Variants in IGF1R observed in about 807,000 individuals in gnomAD.
The protein encoded by IGF1R is insulin-like growth factor 1 receptor.
Under a neutral mutation model 144.6 loss-of-function variants are expected in IGF1R, and 44 were observed. The ratio of observed to expected loss-of-function variants is 0.30; its 90% CI spans 0.24 to 0.39. The LOEUF is 0.39. Ranked by LOEUF, IGF1R falls within the 10% of genes least tolerant of loss-of-function variation. The probability of loss-of-function intolerance (pLI) is 1.00; values close to 1 mark genes in which losing one functional copy is unlikely to be tolerated. For missense variants in IGF1R, 1,355 were observed against 1,833.7 expected (o/e 0.74, Z 4.77); for synonymous variants, 795 against 722.8 (o/e 1.10, Z -1.60).
rs148859829 is a variant in IGF1R at position 98,960,185 on chromosome 15, G to T, written c.*2743G>T. 1 of 233,654 alleles carries T rather than the reference G, an allele frequency of 4.3e-6. No homozygotes were observed. Among genetic ancestry groups the T allele is most frequent in the Admixed American group, 5.6e-5 (1 of 17,790 alleles). The allele number at this position is 233,654 out of a possible 1,614,324, so 14.5% of individuals were successfully genotyped here. On this transcript the variant is annotated 3_prime_UTR_variant, in exon 21 of 21. Coordinates refer to ENST00000650285, the MANE Select transcript of IGF1R (RefSeq NM_000875.5). ...CACGCCACAGGCGCCACACCCAGGT[G>T]ATGCAGGGGGAAGCCAGGCTGTATT...
intron 1 of IGF1R, among the ~76,000 whole-genome samples, chr15:98,668,088 G>A (rs2052790489): frequency 6.6e-6 from 1 of 152,124 alleles, no homozygotes; most frequent in South Asian, 2.1e-4. Flanking sequence ...TTTCTGTTAA[G>A]GGTCCATTTC....
At chr15:98,733,080 G>A (rs1476625950) in intron 2 of IGF1R, among the ~76,000 whole-genome samples, 1 of 152,222 alleles carries the variant, frequency 6.6e-6, no homozygotes, top group East Asian at 1.9e-4. Flanking sequence ...CTACGTGTGG[G>A]TGAACACCTG....
At chr15:98,780,568 AAAAAAAAGAGAG>A (rs1251344814) in intron 2 of IGF1R, among the ~76,000 whole-genome samples, 5 of 30,820 alleles carry the variant, frequency 1.6e-4, no homozygotes, top group Non-Finnish European at 1.5e-3. Flanking sequence ...AAAAAAAAAA[AAAAAAAAGAGAG>A]AGAGAGTAAA....
chr15:98,956,965 G>A (rs1403127529), intron 20 of IGF1R, 96 bp from the exon 21 acceptor site: 24 of 1,362,346 alleles, frequency 1.8e-5, no homozygotes, highest in Non-Finnish European at 2.2e-5. Context: ...CCCGCCGTAC[G>A]CTTGTATGCG....
intron 2 of IGF1R, among the ~76,000 whole-genome samples, chr15:98,768,919 T>C (rs577478721): frequency 0.011 from 1,009 of 94,168 alleles, 13 homozygotes; most frequent in African/African-American, 0.031. Context: ...CAGAGTGAGA[T>C]TCCGTCTCAA....
At chr15:98,718,018 C>G (rs1389409839) in intron 2 of IGF1R, among the ~76,000 whole-genome samples, 2 of 152,184 alleles carry the variant, frequency 1.3e-5, no homozygotes. Flanking sequence ...CACCCAGCCT[C>G]TTCTCCTGTT....
At chr15:98,923,434 C>T (rs967090389) in intron 11 of IGF1R, among the ~76,000 whole-genome samples, 2 of 152,248 alleles carry the variant, frequency 1.3e-5, no homozygotes, top group Admixed American at 1.3e-4. Context: ...CGGCAGGCCC[C>T]GTGTCCTGCT....
chr15:98,695,559 C>T (rs535049237), intron 1 of IGF1R, among the ~76,000 whole-genome samples: 6 of 152,314 alleles, frequency 3.9e-5, no homozygotes, highest in African/African-American at 1.4e-4. Flanking sequence ...GTCATTTGCT[C>T]ATTGTTAACC....
chr15:98,707,676 A>T lies in IGF1R; in HGVS notation c.209A>T (p.Tyr70Phe), dbSNP rs1567086831. 6.2e-7 allele frequency: 1 copy of T among 1,614,128 alleles called. No individual in the cohort carries two copies. Residue 70 changes from tyrosine to phenylalanine, a missense_variant, in exon 2 of 21, where the codon TAC becomes TTC. By Grantham distance (22) the Tyr-to-Phe change is conservative. Transcript: ENST00000650285. This position sits in a 1 kb window ranked among gnomAD's most constrained non-coding sequence, Gnocchi z 6.7. ...CTGCTCATCTCCAAGGCCGAGGACT[A>T]CCGCAGCTACCGCTTCCCCAAGCTC... Reference protein sequence around the residue: ...HILLISKAEDYRSYRFPKLTV... With the variant: ...HILLISKAEDFRSYRFPKLTV...
At chr15:98,697,647 C>CA in intron 1 of IGF1R, among the ~76,000 whole-genome samples, 1 of 152,100 alleles carries the variant, frequency 6.6e-6, no homozygotes, top group East Asian at 1.9e-4. Flanking sequence ...GGTCTCCCCT[C>CA]AGCTGTCCAC....
chr15:98,892,802 G>A (rs2013994520), intron 3 of IGF1R, among the ~76,000 whole-genome samples: 2 of 152,030 alleles, frequency 1.3e-5, no homozygotes, highest in Non-Finnish European at 2.9e-5. Flanking sequence ...GATCCCTTGA[G>A]GCCATGGGTT....
chr15:98,881,442 T>C (rs2141630436), intron 2 of IGF1R, among the ~76,000 whole-genome samples: 1 of 152,352 alleles, frequency 6.6e-6, no homozygotes, highest in African/African-American at 2.4e-5. Context: ...TGCCTCGGCC[T>C]CCCGAGTAGC....
chr15:98,661,669 C>CT (rs2052601515), intron 1 of IGF1R, among the ~76,000 whole-genome samples: 2 of 152,196 alleles, frequency 1.3e-5, no homozygotes, highest in Non-Finnish European at 2.9e-5. Context: ...AATTCACTGT[C>CT]TCCCTCTCTC....
At chr15:98,825,213 A>G (rs2056870901) in intron 2 of IGF1R, among the ~76,000 whole-genome samples, 1 of 151,984 alleles carries the variant, frequency 6.6e-6, no homozygotes, top group African/African-American at 2.4e-5. Context: ...CAGTGGCACC[A>G]TATTAGTGGC....
chr15:98,958,368 G>A lies in IGF1R; in HGVS notation c.*926G>A, dbSNP rs2017095999. ...CCGAAGCAGCCTGGCGGACAGGCTTGGAGTCAAGGGGCCCCATGCCTGCTT... is the reference window on the plus strand; with the variant it reads ...CCGAAGCAGCCTGGCGGACAGGCTTAGAGTCAAGGGGCCCCATGCCTGCTT... On this transcript the variant is annotated 3_prime_UTR_variant, in exon 21 of 21. Coordinates refer to ENST00000650285, the MANE Select transcript of IGF1R (RefSeq NM_000875.5). 5 of 215,946 alleles carry A rather than the reference G, an allele frequency of 2.3e-5. No homozygotes were observed. The East Asian group carries it at 3.4e-4, about 14-fold the overall frequency. The allele number at this position is 215,946 out of a possible 1,614,324, so 13.4% of individuals were successfully genotyped here.
At chr15:98,878,333 A>G (rs915429127) in intron 2 of IGF1R, among the ~76,000 whole-genome samples, 13 of 152,228 alleles carry the variant, frequency 8.5e-5, no homozygotes, top group African/African-American at 2.9e-4. Context: ...CAGAGAATGG[A>G]AATAGGGCTG....
intron 2 of IGF1R, among the ~76,000 whole-genome samples, chr15:98,755,924 A>G (rs2141343605): frequency 6.6e-6 from 1 of 152,230 alleles, no homozygotes; most frequent in East Asian, 1.9e-4. Flanking sequence ...GGCATGATAT[A>G]ATTGTGAGCT....
intron 18 of IGF1R, 81 bp from the exon 19 acceptor site, chr15:98,942,842 A>G (rs2016415249): frequency 2.5e-6 from 4 of 1,578,846 alleles, no homozygotes; most frequent in South Asian, 1.1e-5. Context: ...CTCTCCACAC[A>G]TAATGAGTGT....
At chr15:98,762,503 A>G (rs1044259068) in intron 2 of IGF1R, among the ~76,000 whole-genome samples, 1 of 152,242 alleles carries the variant, frequency 6.6e-6, no homozygotes, top group African/African-American at 2.4e-5. Context: ...CAAGGCAGAC[A>G]GATCACCTGA....
Sources: allele counts gnomAD v4.1 joint callset (sites outside exome capture counted in the v4.1 genomes callset), GRCh38; gene constraint gnomAD v4.1.1; non-coding constraint Gnocchi (gnomAD v3.1); transcripts MANE v1.5; gene names NCBI Gene and HGNC (gene_info 2026-07-23, HGNC 2026-07-21).